ZMYM2: variants seen among roughly 807,000 people sequenced by gnomAD.
The protein encoded by ZMYM2 is zinc finger MYM-type protein 2.
ZMYM2 carries 56 observed loss-of-function variants against 162.8 expected under a neutral mutation model. That is an observed-to-expected ratio of 0.34 (90% CI 0.28 to 0.43). The LOEUF (loss-of-function observed/expected upper bound fraction) is 0.43. Among genes scored for constraint, ZMYM2 ranks in the 20% least tolerant of loss-of-function variants. ZMYM2 has a pLI of 1.00. For missense variants in ZMYM2, 1,275 were observed against 1,621.8 expected, an observed-to-expected ratio of 0.79 and a Z score of 3.67; for synonymous variants, 510 against 541.6, an observed-to-expected ratio of 0.94 and a Z score of 0.81.
chr13:20,051,254 TA>T (rs1955306731), intron 12 of ZMYM2, among the ~76,000 whole-genome samples, 178 bp from the exon 13 acceptor site: 2 of 116,866 alleles, frequency 1.7e-5, no homozygotes, highest in Non-Finnish European at 1.8e-5. Flanking sequence ...TGTGAAATTG[TA>T]TTTTTTTTTT....
intron 2 of ZMYM2, among the ~76,000 whole-genome samples, chr13:19,961,881 T>C (rs1955253482): frequency 6.6e-6 from 1 of 152,238 alleles, no homozygotes; most frequent in Non-Finnish European, 1.5e-5. Flanking sequence ...TAAGTACTTT[T>C]ATTATACAGT....
intron 12 of ZMYM2, among the ~76,000 whole-genome samples, chr13:20,041,700 T>A (rs1954263020): frequency 6.6e-6 from 1 of 152,194 alleles, no homozygotes; most frequent in Non-Finnish European, 1.5e-5. Context: ...CTTTCCATAT[T>A]TAGTGCTTCC....
At chr13:19,874,988 C>T in the ZMYM2 span, among the ~76,000 whole-genome samples, 1 of 152,118 alleles carries the variant, frequency 6.6e-6, no homozygotes, top group African/African-American at 2.4e-5. Flanking sequence ...TTAGTTCAGC[C>T]CCTGTGGAAA....
intron 21 of ZMYM2, among the ~76,000 whole-genome samples, chr13:20,079,842 G>A (rs1957796826): frequency 6.6e-6 from 1 of 152,004 alleles, no homozygotes; most frequent in African/African-American, 2.4e-5. Context: ...TTTTCTCTTT[G>A]TACTAGATTT....
intron 2 of ZMYM2, among the ~76,000 whole-genome samples, chr13:19,962,382 T>C (rs1439621876): frequency 2.0e-5 from 3 of 151,572 alleles, no homozygotes; most frequent in Non-Finnish European, 1.5e-5. Flanking sequence ...AGAATTGTTA[T>C]ATTTCCTGTC....
At chr13:19,871,408 T>C in the ZMYM2 span, among the ~76,000 whole-genome samples, 1 of 151,422 alleles carries the variant, frequency 6.6e-6, no homozygotes, top group Non-Finnish European at 1.5e-5. Flanking sequence ...GTTTTGTTTT[T>C]ATTTTATTTT....
chr13:19,979,173 T>C (rs753808341), intron 2 of ZMYM2, among the ~76,000 whole-genome samples: 1 of 152,196 alleles, frequency 6.6e-6, no homozygotes, highest in Non-Finnish European at 1.5e-5. Context: ...CTCTTCTTTT[T>C]TGCTGCTTTC....
chr13:19,884,836 A>G, the ZMYM2 span, among the ~76,000 whole-genome samples: 104,407 of 151,908 alleles, frequency 0.69, 38,643 homozygotes, highest in East Asian at 0.89. Context: ...CAGCAGTAAA[A>G]GAAAACCTGA....
At chr13:20,056,833 G>A (rs548956278) in intron 14 of ZMYM2, among the ~76,000 whole-genome samples, 1 of 152,222 alleles carries the variant, frequency 6.6e-6, no homozygotes, top group Admixed American at 6.5e-5. Context: ...CTATGCTTGA[G>A]CACAGTCTCA....
At chr13:20,055,981 C>T (rs1430635958) in intron 14 of ZMYM2, among the ~76,000 whole-genome samples, 2 of 152,098 alleles carry the variant, frequency 1.3e-5, no homozygotes, top group Non-Finnish European at 2.9e-5. Flanking sequence ...GGAAGAATAC[C>T]TACGAAGTGT....
chr13:20,086,429 A>G lies in ZMYM2; in HGVS notation c.*415A>G, dbSNP rs1359808823. 1 of 224,308 alleles carries G rather than the reference A, an allele frequency of 4.5e-6. No individual in the cohort carries two copies. Among genetic ancestry groups the G allele is most frequent in the Non-Finnish European group, 8.9e-6 (1 of 112,396 alleles). 13.9% of individuals were successfully genotyped at this position (224,308 alleles called of 1,614,324 possible). On this transcript the variant is annotated 3_prime_UTR_variant, in exon 25 of 25. Coordinates refer to ENST00000610343, the MANE Select transcript of ZMYM2 (RefSeq NM_197968.4). The stretch of plus-strand genomic sequence containing the variant: ...ATGGTTGTGTATGGGTAGCACTACT[A>G]AAAGTTTAGAACTTGCAGTGTCTTT...
At chr13:19,895,354 A>G in the ZMYM2 span, among the ~76,000 whole-genome samples, 5 of 151,942 alleles carry the variant, frequency 3.3e-5, no homozygotes, top group African/African-American at 1.2e-4. Flanking sequence ...CTTATAACAG[A>G]ATATCTTAAA....
In ZMYM2 at chr13:20,042,850, A is replaced by T. The variant is rs1053209849; in HGVS notation, c.2292+5941A>T. ...GTGATTGTCCTGCCTCAGCTTCCTG[A>T]GTAGTTGGGATTACAGGCACATGCC... On this transcript the variant is annotated intron_variant, in intron 12 of 24. Coordinates refer to ENST00000610343, the MANE Select transcript of ZMYM2 (RefSeq NM_197968.4). Among the ~76,000 whole-genome samples the T allele has an allele frequency of 6.6e-5, 10 of 151,962 alleles. 1 individual carries two copies. The highest frequency in any genetic ancestry group is 2.4e-4 in the African/African-American group (10 of 41,344).
At chr13:19,983,851 A>G (rs1025510278) in intron 2 of ZMYM2, among the ~76,000 whole-genome samples, 2 of 151,926 alleles carry the variant, frequency 1.3e-5, no homozygotes, top group African/African-American at 4.8e-5. Context: ...CTGGTCTCCA[A>G]CTGCGGGCTC....
At chr13:20,002,211 G>C (rs539081405) in intron 3 of ZMYM2, among the ~76,000 whole-genome samples, 1 of 152,274 alleles carries the variant, frequency 6.6e-6, no homozygotes, top group South Asian at 2.1e-4. Context: ...AAAGGTTCTA[G>C]TTAGGATTTT....
At chr13:19,984,215 A>G (rs914033119) in intron 2 of ZMYM2, among the ~76,000 whole-genome samples, 6 of 152,182 alleles carry the variant, frequency 3.9e-5, no homozygotes, top group Non-Finnish European at 8.8e-5. Context: ...AAATATATGA[A>G]TATTTATATT....
At chr13:19,950,782 A>T in the ZMYM2 span, among the ~76,000 whole-genome samples, 15 of 152,246 alleles carry the variant, frequency 9.9e-5, no homozygotes, top group African/African-American at 3.4e-4. Flanking sequence ...GGTTGACAAT[A>T]TAAGGAGTCC....
In ZMYM2 at chr13:19,993,763, G is replaced by C. The variant is rs376753667; in HGVS notation, c.691G>C (p.Gly231Arg). The change falls in exon 3 of 25, where the codon GGA becomes CGA. Residue 231 changes from glycine (G) to arginine (R), a missense_variant. Gly to Arg is a moderately radical substitution (Grantham distance 125). This residue lies in a region of ZMYM2 where 295 missense variants were observed against 286.7 expected (regional missense o/e 1.03). Coordinates refer to ENST00000610343, the MANE Select transcript of ZMYM2 (RefSeq NM_197968.4). Reference protein sequence around the residue: ...QNTNLGDVSNGLQSSNFGVNI... With the variant: ...QNTNLGDVSNRLQSSNFGVNI... ...TACCAACTTGGGAGATGTCTCTAACGGACTGCAGTCAAGTAATTTTGGTGT... is the reference window on the plus strand; with the variant it reads ...TACCAACTTGGGAGATGTCTCTAACCGACTGCAGTCAAGTAATTTTGGTGT... 6.2e-7 allele frequency: 1 copy of C among 1,614,062 alleles called. No homozygotes were observed. Among genetic ancestry groups the C allele is most frequent in the Non-Finnish European group, 8.5e-7 (1 of 1,179,996 alleles).
chr13:20,048,689 A>T (rs1265592419), intron 12 of ZMYM2, among the ~76,000 whole-genome samples: 2 of 151,892 alleles, frequency 1.3e-5, no homozygotes, highest in Non-Finnish European at 1.5e-5. Flanking sequence ...AGGCTGAATG[A>T]CCTTTTGCCA....
Sources: allele counts gnomAD v4.1 joint callset (sites outside exome capture counted in the v4.1 genomes callset), GRCh38; gene constraint gnomAD v4.1.1; regional missense constraint gnomAD v4.1.1; transcripts MANE v1.5; gene names NCBI Gene and HGNC (gene_info 2026-07-23, HGNC 2026-07-21).